BCAS3: variants seen among roughly 807,000 people sequenced by gnomAD.
BCAS3 encodes BCAS3 microtubule associated cell migration factor, also known as BCAS4/BCAS3 fusion.
In BCAS3, 53 loss-of-function variants were observed where a neutral mutation model predicts 116.1. The observed-to-expected ratio is 0.46, with a 90% CI of 0.37 to 0.57. BCAS3 has a LOEUF of 0.57. Among genes scored for constraint, BCAS3 ranks in the 20% least tolerant of loss-of-function variants. The pLI is 0.00. For synonymous variants in BCAS3, 391 were observed against 408.2 expected (o/e 0.96, Z 0.51); for missense variants, 917 against 1,165.4 (o/e 0.79, Z 3.10).
rs2057926412 is a variant in BCAS3 at position 61,352,843 on chromosome 17, G to A, written c.2426-15484G>A. 6.6e-6 allele frequency among the ~76,000 whole-genome samples: 1 copy of A among 152,216 alleles called. No individual in the cohort carries two copies. Among genetic ancestry groups the A allele is most frequent in the African/African-American group, 2.4e-5 (1 of 41,444 alleles). ...CTTGCTTGCCCTCTGCAGCTGTGCA[G>A]AGAAGGCCTGGTGCCGCCACACTCC... On this transcript the variant is annotated intron_variant, in intron 22 of 23. Transcript: ENST00000407086. This position sits in a 1 kb window ranked among gnomAD's most constrained non-coding sequence, Gnocchi z 4.7.
rs371248671 is a variant in BCAS3, at chr17:60,904,474, T to C, written c.822+1771T>C. On this transcript the variant is annotated intron_variant, in intron 11 of 23. Coordinates refer to ENST00000407086, the MANE Select transcript of BCAS3 (RefSeq NM_017679.5). ...AACTCCCCATTTTCTCATACCTCAA[T>C]ATTGGGAACTGTGAGGCATATACTC... is the stretch of plus-strand genomic sequence containing the variant. Among the ~76,000 whole-genome samples the C allele has an allele frequency of 1.8e-4, 27 of 152,050 alleles. No homozygotes were observed. In the East Asian group the frequency reaches 5.0e-3, roughly 28 times the overall value.
chr17:60,799,720 T>TTC (rs2047581196), intron 6 of BCAS3, among the ~76,000 whole-genome samples: 1 of 133,280 alleles, frequency 7.5e-6, no homozygotes, highest in African/African-American at 3.0e-5. Flanking sequence ...TTTTTTTTTT[T>TTC]TTTTTTTTTT....
rs544569347 is a variant in BCAS3 at position 61,056,715 on chromosome 17, G to C, written c.2029+15823G>C. Among the ~76,000 whole-genome samples the C allele has an allele frequency of 2.6e-5, 4 of 152,270 alleles. No individual in the cohort carries two copies. In the East Asian group the frequency reaches 7.7e-4, roughly 29 times the overall value. On this transcript the variant is annotated intron_variant, in intron 19 of 23. Transcript: ENST00000407086. This position sits in a 1 kb window ranked among gnomAD's most constrained non-coding sequence, Gnocchi z 4.9. ...GAATTAGCTGCCATCCTGTCCAGGA[G>C]ACCCAGGGGTTTTATTATAACAAAA...
intron 23 of BCAS3, among the ~76,000 whole-genome samples, chr17:61,375,216 A>ATT (rs1453596994): frequency 3.9e-4 from 19 of 49,212 alleles, no homozygotes; most frequent in African/African-American, 1.0e-3. Context: ...TAAAAGCACT[A>ATT]TTTGTGTGTG....
In BCAS3 at chr17:60,841,259, T is replaced by C. The variant is rs148595864; in HGVS notation, c.477-27317T>C. ...TCTATTAAAAAACCCTTCTGCGTCT[T>C]TGAGGTCACACTAAATCTAAAGATC... On this transcript the variant is annotated intron_variant, in intron 7 of 23. Transcript: ENST00000407086. Among the ~76,000 whole-genome samples, 15 of 152,278 alleles carry C rather than the reference T, an allele frequency of 9.9e-5. No individual in the cohort carries two copies. In the East Asian group the frequency reaches 1.9e-3, roughly 20 times the overall value.
chr17:60,914,100 T>G (rs2058655783), intron 12 of BCAS3, among the ~76,000 whole-genome samples: 1 of 152,210 alleles, frequency 6.6e-6, no homozygotes, highest in African/African-American at 2.4e-5. Flanking sequence ...GTTCATGTGA[T>G]GAAGGCTTAT....
At position 61,387,113 on chromosome 17, in the gene BCAS3, C is replaced by A. The variant is rs933240556; in HGVS notation, c.2594-4864C>A. Among the ~76,000 whole-genome samples, 1 of 152,204 alleles carries A rather than the reference C, an allele frequency of 6.6e-6. No homozygotes were observed. Among genetic ancestry groups the A allele is most frequent in the Non-Finnish European group, 1.5e-5 (1 of 68,042 alleles). ...CCTACTGCTGGGGCCCCTGGTTTGG[C>A]CTCTCCAGCTTTCCCTGCGTCTCAC... On this transcript the variant is annotated intron_variant, in intron 23 of 23. Coordinates refer to ENST00000407086, the MANE Select transcript of BCAS3 (RefSeq NM_017679.5). The surrounding 1 kb of genome is among the most constrained non-coding windows in gnomAD (Gnocchi z 6.2).
chr17:60,811,439 G>A (rs575121129), intron 7 of BCAS3: 118 of 598,688 alleles, frequency 2.0e-4, no homozygotes, highest in South Asian at 7.4e-4. Context: ...TGAGACCAGC[G>A]ACATCAAAGT....
chr17:61,344,530 T>C lies in BCAS3; in HGVS notation c.2426-23797T>C. On this transcript the variant is annotated intron_variant, in intron 22 of 23. Transcript: ENST00000407086. The surrounding 1 kb of genome is among the most constrained non-coding windows in gnomAD (Gnocchi z 4.1). ...TGGAGAGCAAAGTAGATGATATCTCTGCCCCCATGGGGCTTATATTCTAGA... is the reference window on the plus strand; with the variant it reads ...TGGAGAGCAAAGTAGATGATATCTCCGCCCCCATGGGGCTTATATTCTAGA... Among the ~76,000 whole-genome samples the C allele has an allele frequency of 6.6e-6, 1 of 152,132 alleles. No individual in the cohort carries two copies. Among genetic ancestry groups the C allele is most frequent in the East Asian group, 1.9e-4 (1 of 5,166 alleles).
At chr17:60,831,358 G>T (rs934490395) in intron 7 of BCAS3, among the ~76,000 whole-genome samples, 1 of 151,102 alleles carries the variant, frequency 6.6e-6, no homozygotes, top group African/African-American at 2.4e-5. Flanking sequence ...TGTATTTTTA[G>T]TAGAGACAGG....
chr17:60,816,563 G>A (rs941321764), intron 7 of BCAS3, among the ~76,000 whole-genome samples: 21 of 152,122 alleles, frequency 1.4e-4, no homozygotes, highest in African/African-American at 3.9e-4. Context: ...GTGCACTACC[G>A]CGGCTGGCCA....
rs1008985351 is a variant in BCAS3 at position 61,214,559 on chromosome 17, C to T, written c.2425+129995C>T. ...AAAAAAAATTAGCTGGGCGTGGCGG[C>T]GGGCGCCTGTAGTCCCAGCTACTCC... is the stretch of plus-strand genomic sequence containing the variant. On this transcript the variant is annotated intron_variant, in intron 22 of 23. Coordinates refer to ENST00000407086, the MANE Select transcript of BCAS3 (RefSeq NM_017679.5). This position sits in a 1 kb window ranked among gnomAD's most constrained non-coding sequence, Gnocchi z 4.4. Among the ~76,000 whole-genome samples the T allele has an allele frequency of 3.3e-5, 5 of 150,272 alleles. No homozygotes were observed. Among genetic ancestry groups the T allele is most frequent in the African/African-American group, 9.8e-5 (4 of 40,800 alleles).
chr17:60,840,895 G>T (rs35735914), intron 7 of BCAS3, among the ~76,000 whole-genome samples: 1 of 152,054 alleles, frequency 6.6e-6, no homozygotes, highest in South Asian at 2.1e-4. Flanking sequence ...ATGCTTTGTA[G>T]GCTTCTCTGT....
intron 15 of BCAS3, among the ~76,000 whole-genome samples, chr17:60,992,328 A>C (rs1352987866): frequency 1.3e-5 from 2 of 152,088 alleles, no homozygotes; most frequent in African/African-American, 4.8e-5. Flanking sequence ...TTTACTCCTG[A>C]GATCATACTT....
rs1036040232 is a variant in BCAS3 at position 61,332,616 on chromosome 17, TA to T, written c.2426-35710del. ...AATTATTATCCCCATCTTTTATTAT[TA>T]TTTTTTTTTATTTTTTGAGATAGAG... On this transcript the variant is annotated intron_variant, in intron 22 of 23. Transcript: ENST00000407086. The surrounding 1 kb of genome is among the most constrained non-coding windows in gnomAD (Gnocchi z 5.4). Among the ~76,000 whole-genome samples, 8 of 152,274 alleles carry T rather than the reference TA, an allele frequency of 5.3e-5. No homozygotes were observed. In the East Asian group the frequency reaches 7.7e-4, roughly 15 times the overall value.
At chr17:60,812,884 T>G (rs935504553) in intron 7 of BCAS3, among the ~76,000 whole-genome samples, 2 of 152,026 alleles carry the variant, frequency 1.3e-5, no homozygotes, top group Non-Finnish European at 2.9e-5. Context: ...GGACTATAAG[T>G]TATGCCACTG....
At chr17:60,768,104 G>A (rs1387364937) in intron 6 of BCAS3, among the ~76,000 whole-genome samples, 2 of 152,206 alleles carry the variant, frequency 1.3e-5, no homozygotes, top group Non-Finnish European at 2.9e-5. Flanking sequence ...TCATCTGTGG[G>A]TAGGGTGCTT....
intron 7 of BCAS3, among the ~76,000 whole-genome samples, chr17:60,834,573 T>C (rs73318673): frequency 0.046 from 7,002 of 152,072 alleles, 508 homozygotes; most frequent in African/African-American, 0.16. Flanking sequence ...TTTAAGATGA[T>C]ACTAGAGTAA....
rs1222851028 is a variant in BCAS3, at chr17:60,960,419, G to A, written c.1221+13067G>A. On this transcript the variant is annotated intron_variant, in intron 14 of 23. Coordinates refer to ENST00000407086, the MANE Select transcript of BCAS3 (RefSeq NM_017679.5). This position sits in a 1 kb window ranked among gnomAD's most constrained non-coding sequence, Gnocchi z 4.1. The stretch of plus-strand genomic sequence containing the variant: ...AAAAGTTACCTCCTGCCAAAATACA[G>A]TAGTAGGATATGCGTAGGATAGACA... Among the ~76,000 whole-genome samples, 3 of 152,172 alleles carry A rather than the reference G, an allele frequency of 2.0e-5. No homozygotes were observed. Among genetic ancestry groups the A allele is most frequent in the Non-Finnish European group, 4.4e-5 (3 of 68,044 alleles).
Sources: allele counts gnomAD v4.1 joint callset (sites outside exome capture counted in the v4.1 genomes callset), GRCh38; gene constraint gnomAD v4.1.1; non-coding constraint Gnocchi (gnomAD v3.1); transcripts MANE v1.5; gene names NCBI Gene and HGNC (gene_info 2026-07-23, HGNC 2026-07-21).